Variants in RBMS3 observed in about 807,000 individuals in gnomAD.
RBMS3 encodes the protein RNA-binding motif, single-stranded-interacting protein 3.
Under a neutral mutation model 66.8 loss-of-function variants are expected in RBMS3, and 27 were observed. That is an observed-to-expected ratio of 0.40 (90% confidence interval 0.30 to 0.56). RBMS3 has a LOEUF of 0.56. Ranked by LOEUF, RBMS3 falls within the 20% of genes least tolerant of loss-of-function variation. The pLI, the probability that RBMS3 is intolerant of heterozygous loss-of-function variation, is 0.40. For missense variants in RBMS3, 513 were observed against 549.5 expected (o/e 0.93, Z 0.66); for synonymous variants, 188 against 183.0 (o/e 1.03, Z -0.22).
chr3:29,894,242 A>G (rs2060070683), intron 8 of RBMS3, among the ~76,000 whole-genome samples: 1 of 151,328 alleles, frequency 6.6e-6, no homozygotes, highest in South Asian at 2.1e-4. Flanking sequence ...GTTTTTTGAG[A>G]AAAGGTCTCA....
chr3:29,783,330 A>G (rs1242796222), intron 6 of RBMS3, among the ~76,000 whole-genome samples: 1 of 152,246 alleles, frequency 6.6e-6, no homozygotes, highest in Non-Finnish European at 1.5e-5. Context: ...AGGAAAACCT[A>G]TCAGATTAAC....
chr3:29,547,487 CG>C (rs1553619583), intron 3 of RBMS3, among the ~76,000 whole-genome samples: 1 of 151,882 alleles, frequency 6.6e-6, no homozygotes, highest in Non-Finnish European at 1.5e-5. Flanking sequence ...ATCCTCCCCC[CG>C]CCCCACCATT....
At chr3:29,838,817 A>C (rs564542483) in intron 6 of RBMS3, among the ~76,000 whole-genome samples, 2 of 152,226 alleles carry the variant, frequency 1.3e-5, no homozygotes, top group South Asian at 4.1e-4. Flanking sequence ...TGTCAACTGG[A>C]ATATTTTTGT....
chr3:29,697,236 G>A, intron 4 of RBMS3: 3 of 561,868 alleles, frequency 5.3e-6, no homozygotes, highest in Non-Finnish European at 6.8e-6. Flanking sequence ...ATTTGCTATT[G>A]AAACAAATGT....
chr3:29,850,815 C>T (rs12494881), intron 6 of RBMS3, among the ~76,000 whole-genome samples: 44,005 of 152,044 alleles, frequency 0.29, 6,747 homozygotes, highest in Non-Finnish European at 0.34. Context: ...CCTCAGGCAT[C>T]CTGCTAGCCT....
intron 5 of RBMS3, among the ~76,000 whole-genome samples, chr3:29,751,599 A>G (rs2055185546): frequency 6.6e-6 from 1 of 152,230 alleles, no homozygotes; most frequent in Admixed American, 6.5e-5. Context: ...CTAAGCAAAA[A>G]TTCTATGGAT....
At chr3:29,618,228 C>G (rs1050605695) in intron 4 of RBMS3, among the ~76,000 whole-genome samples, 23 of 152,140 alleles carry the variant, frequency 1.5e-4, no homozygotes, top group Admixed American at 4.6e-4. Flanking sequence ...GGTGCAATGG[C>G]TCAAGCCTGT....
At chr3:29,510,036 T>C (rs578022603) in intron 3 of RBMS3, among the ~76,000 whole-genome samples, 1 of 152,338 alleles carries the variant, frequency 6.6e-6, no homozygotes, top group East Asian at 1.9e-4. Flanking sequence ...TGGGATAAAA[T>C]TGCAGCCATT....
intron 2 of RBMS3, among the ~76,000 whole-genome samples, chr3:29,485,087 A>G (rs1417064187): frequency 6.6e-6 from 1 of 152,118 alleles, no homozygotes; most frequent in East Asian, 1.9e-4. Context: ...TAATAACTCT[A>G]TTTTCTCTTC....
chr3:29,652,225 G>A (rs1336157794), intron 4 of RBMS3, among the ~76,000 whole-genome samples: 3 of 151,948 alleles, frequency 2.0e-5, no homozygotes, highest in Non-Finnish European at 1.5e-5. Context: ...TTTCCTCAAC[G>A]GTAATTTCAA....
intron 4 of RBMS3, among the ~76,000 whole-genome samples, chr3:29,691,441 G>A (rs934774851): frequency 6.6e-6 from 1 of 152,036 alleles, no homozygotes; most frequent in African/African-American, 2.4e-5. Context: ...AGAAATAATA[G>A]CACACACTCT....
chr3:29,530,875 A>C (rs2045328398), intron 3 of RBMS3, among the ~76,000 whole-genome samples: 1 of 151,910 alleles, frequency 6.6e-6, no homozygotes, highest in Non-Finnish European at 1.5e-5. Flanking sequence ...CCATCTCAAA[A>C]AAAAAAAAAA....
At chr3:29,584,920 C>T (rs2047458546) in intron 3 of RBMS3, among the ~76,000 whole-genome samples, 1 of 152,138 alleles carries the variant, frequency 6.6e-6, no homozygotes, top group African/African-American at 2.4e-5. Flanking sequence ...CATTTCACAC[C>T]ACTGCTTCTT....
At chr3:29,298,072 G>T (rs942877744) in intron 1 of RBMS3, among the ~76,000 whole-genome samples, 3 of 151,684 alleles carry the variant, frequency 2.0e-5, no homozygotes, top group Non-Finnish European at 4.4e-5. Context: ...TACCATGATT[G>T]CCTTTACCAA....
chr3:29,298,449 A>G (rs181511527), intron 1 of RBMS3, among the ~76,000 whole-genome samples: 2 of 152,040 alleles, frequency 1.3e-5, no homozygotes, highest in East Asian at 1.9e-4. Context: ...AGGAAACTTA[A>G]TAAAACCTCT....
chr3:29,734,518 T>G (rs976744360), intron 4 of RBMS3, among the ~76,000 whole-genome samples: 1 of 152,094 alleles, frequency 6.6e-6, no homozygotes, highest in African/African-American at 2.4e-5. Context: ...ACCACATACA[T>G]TTGTACAATT....
At chr3:29,949,941 A>G (rs145178483) in intron 12 of RBMS3, among the ~76,000 whole-genome samples, 110 of 151,914 alleles carry the variant, frequency 7.2e-4, no homozygotes, top group African/African-American at 2.6e-3. Context: ...GTAGTAAAAT[A>G]TATTTGACAT....
At chr3:29,639,927 T>TA (rs555487349) in intron 4 of RBMS3, among the ~76,000 whole-genome samples, 40 of 151,430 alleles carry the variant, frequency 2.6e-4, no homozygotes, top group Non-Finnish European at 4.9e-4. Context: ...CGGGGAGATA[T>TA]AAAAAAAAGA....
At chr3:29,761,318 G>T (rs1380828161) in intron 5 of RBMS3, among the ~76,000 whole-genome samples, 3 of 152,090 alleles carry the variant, frequency 2.0e-5, no homozygotes, top group Non-Finnish European at 4.4e-5. Context: ...AATAATTATA[G>T]CTCAAAACTG....
Sources: allele counts gnomAD v4.1 joint callset (sites outside exome capture counted in the v4.1 genomes callset), GRCh38; gene constraint gnomAD v4.1.1; transcripts MANE v1.5; gene names NCBI Gene and HGNC (gene_info 2026-07-23, HGNC 2026-07-21).